SLC25A53: variants seen among roughly 807,000 people sequenced by gnomAD.
SLC25A53 encodes solute carrier family 25 member 53, also known as mitochondrial carrier triple repeat protein 6.
A neutral mutation model predicts 15.0 loss-of-function variants in SLC25A53; 5 were observed. The ratio of observed to expected loss-of-function variants is 0.33; its 90% CI spans 0.17 to 0.70. The LOEUF (loss-of-function observed/expected upper bound fraction) is 0.70. Ranked by LOEUF, SLC25A53 falls within the 30% of genes least tolerant of loss-of-function variation. The pLI is 0.67. For missense variants in SLC25A53, 216 were observed against 241.6 expected, an observed-to-expected ratio of 0.89 and a Z score of 0.70; for synonymous variants, 95 against 100.0, an observed-to-expected ratio of 0.95 and a Z score of 0.30.
At chrX:104,146,987 A>G (rs1432722340) in intron 1 of SLC25A53, among the ~76,000 whole-genome samples, 1 of 112,024 alleles carries the variant, frequency 8.9e-6, no homozygotes, top group Non-Finnish European at 1.9e-5. Context: ...AAGAGCCTGC[A>G]TTGCCAAGTC....
At chrX:104,142,920 C>CAAA (rs1216011123) in intron 1 of SLC25A53, among the ~76,000 whole-genome samples, 42 of 33,917 alleles carry the variant, frequency 1.2e-3, no homozygotes, top group African/African-American at 4.0e-3. Context: ...GACTCCATCT[C>CAAA]AAAAAAAAAA....
At chrX:104,114,307 ATC>A in intron 1 of SLC25A53, 2 of 1,211,320 alleles carry the variant, frequency 1.7e-6, no homozygotes, top group Non-Finnish European at 2.2e-6. Flanking sequence ...AAACTGGCTG[ATC>A]CAAGTCAATG....
chrX:104,119,229 G>T (rs1346088902), intron 1 of SLC25A53, among the ~76,000 whole-genome samples: 1 of 112,097 alleles, frequency 8.9e-6, no homozygotes, highest in Non-Finnish European at 1.9e-5. Context: ...TAGATTTTAT[G>T]CAATTATGTA....
chrX:104,146,979 G>A (rs1556369207), intron 1 of SLC25A53, among the ~76,000 whole-genome samples: 1 of 111,680 alleles, frequency 9.0e-6, no homozygotes, highest in Non-Finnish European at 1.9e-5. Flanking sequence ...AACCAAAAAA[G>A]AGCCTGCATT....
chrX:104,110,479 G>T (rs1432900015), intron 1 of SLC25A53, among the ~76,000 whole-genome samples: 1 of 111,978 alleles, frequency 8.9e-6, no homozygotes, highest in Non-Finnish European at 1.9e-5. Context: ...AAATAAGAGG[G>T]CGGAAAGGAG....
rs2075283196 is a variant in SLC25A53 at position 104,102,034 on chromosome X, C to T, written c.*2300G>A. On this transcript the variant is annotated 3_prime_UTR_variant, in exon 2 of 2. Coordinates refer to ENST00000594199, the MANE Select transcript of SLC25A53 (RefSeq NM_001012755.5). ...CTCTGTGTTCATACTTCCTTGAATC[C>T]ACAAGTTGAGTACTGTCCCAACACA... The T allele has an allele frequency of 9.0e-6, 1 of 111,571 alleles. No individual in the cohort carries two copies. The highest frequency in any genetic ancestry group is 1.9e-5 in the Non-Finnish European group (1 of 53,141). 9.2% of individuals were successfully genotyped at this position (111,571 alleles called of 1,213,427 possible).
chrX:104,118,616 A>G (rs2075384815), intron 1 of SLC25A53, among the ~76,000 whole-genome samples: 1 of 112,588 alleles, frequency 8.9e-6, no homozygotes. Context: ...ATTAATTGAC[A>G]CATATTTCAG....
chrX:104,127,290 T>C (rs1556364626), intron 1 of SLC25A53, among the ~76,000 whole-genome samples: 3 of 111,644 alleles, frequency 2.7e-5, no homozygotes, highest in African/African-American at 9.8e-5. Context: ...ATTCTCGAAA[T>C]TAGAAAATTT....
chrX:104,152,124 C>T (rs2075486400), intron 1 of SLC25A53, among the ~76,000 whole-genome samples: 2 of 110,394 alleles, frequency 1.8e-5, no homozygotes. Flanking sequence ...ATGTGCACAA[C>T]GTGCAGGTTT....
At chrX:104,153,005 T>C (rs1409001632) in intron 1 of SLC25A53, among the ~76,000 whole-genome samples, 1 of 111,144 alleles carries the variant, frequency 9.0e-6, no homozygotes, top group Non-Finnish European at 1.9e-5. Flanking sequence ...GGGAGGGGGT[T>C]TGAACGGGAG....
intron 1 of SLC25A53, chrX:104,131,335 C>T (rs1174508672): frequency 9.0e-6 from 1 of 111,294 alleles, no homozygotes; most frequent in Non-Finnish European, 1.9e-5. Context: ...TGTACAGGGC[C>T]CACCAGATTG....
intron 1 of SLC25A53, among the ~76,000 whole-genome samples, chrX:104,153,011 G>A (rs1468693563): frequency 9.0e-6 from 1 of 111,119 alleles, no homozygotes; most frequent in Non-Finnish European, 1.9e-5. Flanking sequence ...GGGTTTGAAC[G>A]GGAGGTATAA....
rs1474841421 is a variant in SLC25A53, at chrX:104,101,503, G to T, written c.*2831C>A. Reference sequence around the variant, plus strand: ...TCAGTCAATTATTAGCATACAAAAAGATATCACTTTGGAAATTCTAAGGAT... The same window carrying T: ...TCAGTCAATTATTAGCATACAAAAATATATCACTTTGGAAATTCTAAGGAT... On this transcript the variant is annotated 3_prime_UTR_variant, in exon 2 of 2. Transcript: ENST00000594199. 6.2e-5 allele frequency: 7 copies of T among 112,234 alleles called. No homozygotes were observed. The highest frequency in any genetic ancestry group is 9.7e-5 in the African/African-American group (3 of 30,823). The allele number at this position is 112,234 out of a possible 1,213,427, so 9.2% of individuals were successfully genotyped here. A position where few individuals can be genotyped will look rare whatever the true frequency, so the allele number is the denominator to read the frequency against.
rs1190644989 is a variant in SLC25A53 at position 104,101,341 on chromosome X, G to A, written c.*2993C>T. On this transcript the variant is annotated 3_prime_UTR_variant, in exon 2 of 2. Coordinates refer to ENST00000594199, the MANE Select transcript of SLC25A53 (RefSeq NM_001012755.5). ...ATGATTGATTAAATCATTGGCCACT[G>A]GTGATCAACTTAACCTTCCATCCCT... 1 of 111,347 alleles carries A rather than the reference G, an allele frequency of 9.0e-6. No homozygotes were observed. Among genetic ancestry groups the A allele is most frequent in the African/African-American group, 3.3e-5 (1 of 30,519 alleles). The allele number at this position is 111,347 out of a possible 1,213,427, so 9.2% of individuals were successfully genotyped here.
chrX:104,128,759 G>A (rs1428037086), intron 1 of SLC25A53, among the ~76,000 whole-genome samples: 1 of 108,485 alleles, frequency 9.2e-6, no homozygotes, highest in African/African-American at 3.5e-5. Context: ...CACATAAACA[G>A]ACACAGACAC....
chrX:104,103,587 T>C lies in SLC25A53; in HGVS notation c.*747A>G, dbSNP rs1453231286. On this transcript the variant is annotated 3_prime_UTR_variant, in exon 2 of 2. Coordinates refer to ENST00000594199, the MANE Select transcript of SLC25A53 (RefSeq NM_001012755.5). ...GGAAACTCAAACGGTTTCTAGGCAATGTTATCACCTTGCTCTCAGAAATGT... is the reference window on the plus strand; with the variant it reads ...GGAAACTCAAACGGTTTCTAGGCAACGTTATCACCTTGCTCTCAGAAATGT... 21 of 112,207 alleles carry C rather than the reference T, an allele frequency of 1.9e-4. No individual in the cohort carries two copies. The highest frequency in any genetic ancestry group is 5.8e-4 in the African/African-American group (18 of 30,870). 9.2% of individuals were successfully genotyped at this position (112,207 alleles called of 1,213,427 possible). A position where few individuals can be genotyped will look rare whatever the true frequency, so the allele number is the denominator to read the frequency against.
chrX:104,150,061 C>T (rs1436697923), intron 1 of SLC25A53, among the ~76,000 whole-genome samples: 2 of 108,461 alleles, frequency 1.8e-5, no homozygotes, highest in African/African-American at 6.7e-5. Flanking sequence ...GGCAAAACTC[C>T]ATCTTCATTA....
At chrX:104,133,226 T>C (rs1196610114) in intron 1 of SLC25A53, among the ~76,000 whole-genome samples, 2 of 111,672 alleles carry the variant, frequency 1.8e-5, no homozygotes, top group Non-Finnish European at 3.8e-5. Context: ...AACAGAAAAA[T>C]GTAACCTATA....
At chrX:104,132,164 T>C (rs1556365599) in intron 1 of SLC25A53, among the ~76,000 whole-genome samples, 2 of 112,384 alleles carry the variant, frequency 1.8e-5, no homozygotes, top group Non-Finnish European at 1.9e-5. Flanking sequence ...AAATTAACAT[T>C]TACTATAATA....
Sources: allele counts gnomAD v4.1 joint callset (sites outside exome capture counted in the v4.1 genomes callset), GRCh38; gene constraint gnomAD v4.1.1; transcripts MANE v1.5; gene names NCBI Gene and HGNC (gene_info 2026-07-23, HGNC 2026-07-21).